Variants in CNTNAP2 observed in about 807,000 individuals in gnomAD.
CNTNAP2 encodes the protein contactin-associated protein-like 2.
In CNTNAP2, 98 loss-of-function variants were observed where a neutral mutation model predicts 155.2. That is an observed-to-expected ratio of 0.63 (90% confidence interval 0.54 to 0.75). CNTNAP2 has a LOEUF of 0.75. Ranked by LOEUF, CNTNAP2 falls within the 30% of genes least tolerant of loss-of-function variation. The probability of loss-of-function intolerance (pLI) is 0.00; values close to 1 mark genes in which losing one functional copy is unlikely to be tolerated. For missense variants in CNTNAP2, 1,727 were observed against 1,688.1 expected (o/e 1.02, Z -0.40); for synonymous variants, 651 against 631.2 (o/e 1.03, Z -0.47).
At chr7:146,290,420 G>T (rs1207718403) in intron 1 of CNTNAP2, among the ~76,000 whole-genome samples, 2 of 152,154 alleles carry the variant, frequency 1.3e-5, no homozygotes, top group Non-Finnish European at 2.9e-5. Context: ...TCAAGGCGCT[G>T]CCCCTTGTTA....
At chr7:146,667,515 G>A (rs116571309) in intron 1 of CNTNAP2, among the ~76,000 whole-genome samples, 2,792 of 151,658 alleles carry the variant, frequency 0.018, 90 homozygotes, top group African/African-American at 0.064. Context: ...GTGGAGTGTC[G>A]TTTGTATTTT....
At chr7:147,060,658 T>C (rs1799646670) in intron 4 of CNTNAP2, among the ~76,000 whole-genome samples, 1 of 151,968 alleles carries the variant, frequency 6.6e-6, no homozygotes, top group Non-Finnish European at 1.5e-5. Flanking sequence ...GGTCAGGAGA[T>C]AGAGACCATC....
At chr7:146,738,557 T>A (rs898494989) in intron 1 of CNTNAP2, among the ~76,000 whole-genome samples, 1 of 152,000 alleles carries the variant, frequency 6.6e-6, no homozygotes, top group African/African-American at 2.4e-5. Context: ...CTGCCTGTGC[T>A]TTTGATGTCA....
chr7:146,669,009 T>A (rs979410534), intron 1 of CNTNAP2, among the ~76,000 whole-genome samples: 1 of 152,188 alleles, frequency 6.6e-6, no homozygotes, highest in Admixed American at 6.5e-5. Context: ...CCTGAAAGTA[T>A]ATTTTTCTGT....
rs1804574737 is a variant in CNTNAP2, at chr7:148,120,478, G to T, written c.2554+2190G>T. Among the ~76,000 whole-genome samples, 4 of 152,100 alleles carry T rather than the reference G, an allele frequency of 2.6e-5. No individual in the cohort carries two copies. In the South Asian group the frequency reaches 8.3e-4, roughly 32 times the overall value. On this transcript the variant is annotated intron_variant, in intron 16 of 23. Transcript: ENST00000361727. ...TGCGGGATCTCGCCATGTCGGCCAG[G>T]CTGGTCTCAAACCCCTGGGCTCAGG...
chr7:147,805,388 C>A (rs1291365912), intron 13 of CNTNAP2, among the ~76,000 whole-genome samples: 2 of 152,198 alleles, frequency 1.3e-5, no homozygotes, highest in Middle Eastern at 3.2e-3. Flanking sequence ...AATTTGATTT[C>A]TCCCCTTCCA....
chr7:146,846,627 T>C (rs903982639), intron 3 of CNTNAP2, among the ~76,000 whole-genome samples: 2 of 152,178 alleles, frequency 1.3e-5, no homozygotes, highest in Non-Finnish European at 2.9e-5. Flanking sequence ...GATTCTCATT[T>C]TCAAAGGTCA....
intron 1 of CNTNAP2, among the ~76,000 whole-genome samples, chr7:146,143,907 C>T (rs1432075426): frequency 1.3e-5 from 2 of 152,060 alleles, no homozygotes; most frequent in Non-Finnish European, 2.9e-5. Context: ...GGACTACAGG[C>T]ATGTGCCACC....
At chr7:146,806,953 GATA>G (rs1268107156) in intron 2 of CNTNAP2, among the ~76,000 whole-genome samples, 1 of 152,066 alleles carries the variant, frequency 6.6e-6, no homozygotes, top group Non-Finnish European at 1.5e-5. Context: ...GATTAATTTG[GATA>G]ATATTTTTAA....
chr7:148,178,400 C>G, intron 18 of CNTNAP2, among the ~76,000 whole-genome samples: 1 of 152,154 alleles, frequency 6.6e-6, no homozygotes, highest in East Asian at 1.9e-4. Flanking sequence ...TACTGAGTGA[C>G]CAAGATTTGA....
intron 14 of CNTNAP2, among the ~76,000 whole-genome samples, chr7:147,941,202 G>C (rs989130795): frequency 2.0e-5 from 3 of 152,168 alleles, no homozygotes; most frequent in Non-Finnish European, 4.4e-5. Flanking sequence ...AAGACATTAG[G>C]ATGAGGCATC....
intron 12 of CNTNAP2, among the ~76,000 whole-genome samples, chr7:147,637,402 CA>C (rs1362811922): frequency 6.6e-6 from 1 of 152,030 alleles, no homozygotes; most frequent in Non-Finnish European, 1.5e-5. Context: ...GAAAGAGAGG[CA>C]TTAATGGTGA....
intron 2 of CNTNAP2, among the ~76,000 whole-genome samples, chr7:146,797,091 G>A (rs575388595): frequency 1.8e-3 from 268 of 152,198 alleles, no homozygotes; most frequent in Middle Eastern, 3.4e-3. Flanking sequence ...AGCCAAGATC[G>A]CGCTACTGCA....
intron 1 of CNTNAP2, among the ~76,000 whole-genome samples, chr7:146,486,046 C>CTTTTTTTTTTTT (rs71175651): frequency 2.3e-5 from 1 of 42,606 alleles, no homozygotes; most frequent in African/African-American, 8.4e-5. Flanking sequence ...CCACAGCAGT[C>CTTTTTTTTTTTT]TTTTTTTTTT....
chr7:147,120,907 G>A, intron 5 of CNTNAP2, 72 bp from the exon 6 acceptor site: 2 of 1,424,074 alleles, frequency 1.4e-6, no homozygotes, highest in South Asian at 2.3e-5. Flanking sequence ...TGCTGTAAAT[G>A]AAAGATCTTC....
intron 10 of CNTNAP2, among the ~76,000 whole-genome samples, chr7:147,436,376 A>T (rs539343299): frequency 2.0e-5 from 3 of 152,310 alleles, no homozygotes; most frequent in East Asian, 3.9e-4. Context: ...TCAGTTAAAA[A>T]TTTTTAATTT....
At chr7:148,209,056 A>C (rs1384377964) in intron 18 of CNTNAP2, among the ~76,000 whole-genome samples, 1 of 152,136 alleles carries the variant, frequency 6.6e-6, no homozygotes, top group Admixed American at 6.5e-5. Flanking sequence ...ATTTCAGCCC[A>C]GACTTTTTTG....
intron 18 of CNTNAP2, among the ~76,000 whole-genome samples, chr7:148,172,764 G>T (rs189798674): frequency 1.3e-5 from 2 of 152,122 alleles, no homozygotes; most frequent in Non-Finnish European, 2.9e-5. Context: ...CATCTTAATG[G>T]TGAGTGATAA....
At chr7:147,571,428 T>G (rs1412795981) in intron 12 of CNTNAP2, among the ~76,000 whole-genome samples, 4 of 152,172 alleles carry the variant, frequency 2.6e-5, no homozygotes, top group Non-Finnish European at 1.5e-5. Flanking sequence ...TTACATAATT[T>G]GTATATTTCC....
Sources: gnomAD v4.1 joint callset for allele counts (sites outside exome capture counted in the v4.1 genomes callset) on GRCh38, gnomAD v4.1.1 for gene constraint, MANE v1.5 for transcripts, NCBI Gene and HGNC (gene_info 2026-07-23, HGNC 2026-07-21) for gene names.